Variants in HS3ST5 observed in about 807,000 individuals in gnomAD.
The protein encoded by HS3ST5 is heparan sulfate glucosamine 3-O-sulfotransferase 5.
A neutral mutation model predicts 25.4 loss-of-function variants in HS3ST5; 10 were observed. That is an observed-to-expected ratio of 0.39 (90% CI 0.24 to 0.67). HS3ST5 has a LOEUF of 0.67. Among genes scored for constraint, HS3ST5 ranks in the 30% least tolerant of loss-of-function variants. The probability of loss-of-function intolerance (pLI) is 0.44; values close to 1 mark genes in which losing one functional copy is unlikely to be tolerated. For synonymous variants in HS3ST5, 170 were observed against 162.4 expected, an observed-to-expected ratio of 1.05 and a Z score of -0.36; for missense variants, 324 against 420.7, an observed-to-expected ratio of 0.77 and a Z score of 2.01.
intron 1 of HS3ST5, among the ~76,000 whole-genome samples, chr6:114,243,215 A>G (rs546992598): frequency 1.2e-4 from 18 of 152,332 alleles, no homozygotes; most frequent in Admixed American, 1.1e-3. Context: ...CCACAGACCC[A>G]TGAGCTAGAT....
chr6:114,206,754 G>A (rs868796401), intron 2 of HS3ST5, among the ~76,000 whole-genome samples: 1 of 152,104 alleles, frequency 6.6e-6, no homozygotes, highest in Non-Finnish European at 1.5e-5. Context: ...TATAAACATA[G>A]AATGGCTTCT....
intron 2 of HS3ST5, among the ~76,000 whole-genome samples, chr6:114,182,138 T>C (rs984219285): frequency 3.3e-5 from 5 of 152,116 alleles, no homozygotes; most frequent in African/African-American, 9.7e-5. Flanking sequence ...TTCTTGGAAA[T>C]ATTGTAACAA....
intron 1 of HS3ST5, among the ~76,000 whole-genome samples, chr6:114,231,760 T>TA (rs11333317): frequency 0.24 from 33,527 of 141,072 alleles, 3,967 homozygotes; most frequent in Middle Eastern, 0.28. Flanking sequence ...CTATTCTATT[T>TA]AAAAAAAAAA....
chr6:114,258,132 A>G (rs9488355), intron 1 of HS3ST5, among the ~76,000 whole-genome samples: 13,898 of 152,172 alleles, frequency 0.091, 700 homozygotes, highest in Middle Eastern at 0.15. Flanking sequence ...AATTTATCAA[A>G]TGAGTCACTA....
intron 1 of HS3ST5, among the ~76,000 whole-genome samples, chr6:114,244,919 A>G (rs1342486729): frequency 1.3e-5 from 2 of 152,208 alleles, no homozygotes; most frequent in East Asian, 3.9e-4. Context: ...CAGCAGATGT[A>G]TACCCACAAT....
At chr6:114,161,574 T>TATATATATATATATA (rs1396381241) in intron 3 of HS3ST5, among the ~76,000 whole-genome samples, 1 of 102,414 alleles carries the variant, frequency 9.8e-6, no homozygotes, top group Non-Finnish European at 2.0e-5. Flanking sequence ...TATATATATA[T>TATATATATATATATA]AAAATGCAAT....
At chr6:114,321,909 A>T (rs961340345) in intron 1 of HS3ST5, among the ~76,000 whole-genome samples, 7 of 152,160 alleles carry the variant, frequency 4.6e-5, no homozygotes, top group Non-Finnish European at 1.0e-4. Context: ...TGGTGACTTG[A>T]TCTTTCCAAT....
chr6:114,067,650 C>T (rs942999922), intron 3 of HS3ST5, among the ~76,000 whole-genome samples: 1 of 152,104 alleles, frequency 6.6e-6, no homozygotes, highest in Non-Finnish European at 1.5e-5. Context: ...TTCAGGAGAC[C>T]TGATTTCTCC....
At chr6:114,059,644 C>T (rs1383673258) in intron 4 of HS3ST5, 1 of 152,250 alleles carries the variant, frequency 6.6e-6, no homozygotes, top group Non-Finnish European at 1.5e-5. Flanking sequence ...TGTGGCACCG[C>T]CCCCTGCAAG....
intron 1 of HS3ST5, among the ~76,000 whole-genome samples, chr6:114,316,513 C>T (rs1775754097): frequency 6.6e-6 from 1 of 151,916 alleles, no homozygotes; most frequent in Non-Finnish European, 1.5e-5. Flanking sequence ...TTTTTTAATT[C>T]CAAGGGGACA....
chr6:114,069,284 C>T, intron 3 of HS3ST5, among the ~76,000 whole-genome samples: 1 of 151,918 alleles, frequency 6.6e-6, no homozygotes, highest in South Asian at 2.1e-4. Context: ...TTATTGAACA[C>T]TAGGCTCTGT....
chr6:114,231,152 A>C (rs1368922226), intron 1 of HS3ST5, among the ~76,000 whole-genome samples: 1 of 152,088 alleles, frequency 6.6e-6, no homozygotes, highest in Non-Finnish European at 1.5e-5. Flanking sequence ...ATGGTCATTT[A>C]AAAGTGTGTG....
chr6:114,131,898 G>A (rs919150851), intron 3 of HS3ST5, among the ~76,000 whole-genome samples: 10 of 152,180 alleles, frequency 6.6e-5, no homozygotes, highest in Non-Finnish European at 1.3e-4. Context: ...TGCCAAGGGA[G>A]TGATTGTGGT....
intron 3 of HS3ST5, among the ~76,000 whole-genome samples, chr6:114,069,516 A>ATTTTTTTT (rs373504728): frequency 1.3e-4 from 17 of 130,680 alleles, no homozygotes; most frequent in Non-Finnish European, 2.4e-4. Context: ...ACATGGGAGA[A>ATTTTTTTT]TTTTTTTTTT....
chr6:114,287,689 C>A (rs1774397522), intron 1 of HS3ST5, among the ~76,000 whole-genome samples: 1 of 151,976 alleles, frequency 6.6e-6, no homozygotes, highest in Non-Finnish European at 1.5e-5. Context: ...ACAAAGAACA[C>A]TCTCTATTTT....
chr6:114,297,497 A>C (rs1774877962), intron 1 of HS3ST5, among the ~76,000 whole-genome samples: 1 of 152,236 alleles, frequency 6.6e-6, no homozygotes, highest in African/African-American at 2.4e-5. Context: ...CATGGGGAAA[A>C]GCATCTTTCC....
chr6:114,248,220 AT>A (rs1562251823), intron 1 of HS3ST5, among the ~76,000 whole-genome samples: 29 of 114,188 alleles, frequency 2.5e-4, no homozygotes, highest in Middle Eastern at 4.8e-3. Context: ...AAAAAAAAAT[AT>A]ATATATATAT....
intron 3 of HS3ST5, among the ~76,000 whole-genome samples, chr6:114,162,916 A>G (rs9400697): frequency 0.12 from 18,977 of 152,096 alleles, 1,665 homozygotes; most frequent in East Asian, 0.36. Flanking sequence ...TTGTTACTTA[A>G]TGGTTACCCT....
chr6:114,130,394 C>T (rs1777266660), intron 3 of HS3ST5, among the ~76,000 whole-genome samples: 1 of 152,208 alleles, frequency 6.6e-6, no homozygotes, highest in South Asian at 2.1e-4. Flanking sequence ...ATGTTGTTAT[C>T]GAATTTTTCA....
Sources: allele counts gnomAD v4.1 joint callset (sites outside exome capture counted in the v4.1 genomes callset), GRCh38; gene constraint gnomAD v4.1.1; transcripts MANE v1.5; gene names NCBI Gene and HGNC (gene_info 2026-07-23, HGNC 2026-07-21).